The following KCTD8 variants were observed in gnomAD, a reference collection of about 807,000 sequenced individuals.
The protein encoded by KCTD8 is potassium channel tetramerization domain containing 8, also known as BTB/POZ domain-containing protein KCTD8.
In KCTD8, 27 loss-of-function variants were observed where a neutral mutation model predicts 31.5. That is an observed-to-expected ratio of 0.86 (90% CI 0.63 to 1.18). The LOEUF is 1.18. KCTD8 is among the 50% of genes most tolerant of loss of function. The pLI is 0.00. For missense variants in KCTD8, 658 were observed against 647.7 expected, an observed-to-expected ratio of 1.02 and a Z score of -0.17; for synonymous variants, 290 against 280.0, an observed-to-expected ratio of 1.04 and a Z score of -0.36.
intron 1 of KCTD8, among the ~76,000 whole-genome samples, chr4:44,235,528 TATATATATATATATATA>T (rs1560402001): frequency 9.4e-3 from 88 of 9,368 alleles, no homozygotes; most frequent in South Asian, 0.035. Context: ...CACTGGATTA[TATATATATATATATATA>T]TATATATATA....
At chr4:44,404,029 A>T (rs1720728435) in intron 1 of KCTD8, among the ~76,000 whole-genome samples, 1 of 152,164 alleles carries the variant, frequency 6.6e-6, no homozygotes, top group Non-Finnish European at 1.5e-5. Context: ...CTCTGATAGT[A>T]CGTCAGATTC....
chr4:44,357,177 C>T (rs1719365686), intron 1 of KCTD8, among the ~76,000 whole-genome samples: 1 of 150,796 alleles, frequency 6.6e-6, no homozygotes. Flanking sequence ...GCACATCATT[C>T]TACTCCCCTT....
chr4:44,238,648 T>C (rs1715361082), intron 1 of KCTD8, among the ~76,000 whole-genome samples: 3 of 152,302 alleles, frequency 2.0e-5, no homozygotes, highest in Admixed American at 2.0e-4. Flanking sequence ...CAAGAAAATA[T>C]TCCAAACTGA....
chr4:44,361,968 A>G (rs1381041123), intron 1 of KCTD8, among the ~76,000 whole-genome samples: 1 of 152,144 alleles, frequency 6.6e-6, no homozygotes, highest in Non-Finnish European at 1.5e-5. Flanking sequence ...GAATCTCAGA[A>G]AGAAAAAGGG....
At chr4:44,383,207 T>C (rs1245240907) in intron 1 of KCTD8, among the ~76,000 whole-genome samples, 4 of 152,058 alleles carry the variant, frequency 2.6e-5, no homozygotes, top group South Asian at 4.1e-4. Flanking sequence ...TGATCATAGA[T>C]TGTAAGAATT....
At chr4:44,330,673 T>G (rs1718570623) in intron 1 of KCTD8, among the ~76,000 whole-genome samples, 1 of 151,964 alleles carries the variant, frequency 6.6e-6, no homozygotes, top group Non-Finnish European at 1.5e-5. Context: ...TTAATTTTTC[T>G]GAGCCTCGGT....
chr4:44,337,866 T>C (rs1461785156), intron 1 of KCTD8, among the ~76,000 whole-genome samples: 1 of 151,940 alleles, frequency 6.6e-6, no homozygotes, highest in Admixed American at 6.6e-5. Context: ...AGTACTAATA[T>C]TTTATTCTGC....
chr4:44,247,074 C>T (rs1715688406), intron 1 of KCTD8, among the ~76,000 whole-genome samples: 1 of 151,860 alleles, frequency 6.6e-6, no homozygotes. Context: ...ACAGAAATTC[C>T]AAAATAGGAC....
chr4:44,298,020 G>T (rs887300398), intron 1 of KCTD8, among the ~76,000 whole-genome samples: 9 of 152,112 alleles, frequency 5.9e-5, no homozygotes, highest in African/African-American at 2.2e-4. Flanking sequence ...TTTGAGTCAA[G>T]AATTACCTTA....
intron 1 of KCTD8, among the ~76,000 whole-genome samples, chr4:44,271,890 C>T (rs1449987703): frequency 1.3e-5 from 2 of 151,994 alleles, no homozygotes; most frequent in Non-Finnish European, 2.9e-5. Flanking sequence ...CCCCTGATTT[C>T]CCACTCCACA....
intron 1 of KCTD8, among the ~76,000 whole-genome samples, chr4:44,393,226 C>T (rs896746948): frequency 6.6e-6 from 1 of 151,794 alleles, no homozygotes; most frequent in Non-Finnish European, 1.5e-5. Flanking sequence ...GATGGCTCTT[C>T]AAAAGTATGA....
intron 1 of KCTD8, among the ~76,000 whole-genome samples, chr4:44,195,611 T>A (rs558470264): frequency 1.4e-4 from 22 of 152,348 alleles, no homozygotes; most frequent in Non-Finnish European, 2.9e-5. Context: ...GATATGCATA[T>A]AACTAGAAAA....
chr4:44,425,699 G>C lies in KCTD8; in HGVS notation c.961+21864C>G, dbSNP rs1352694128. 2.0e-5 allele frequency among the ~76,000 whole-genome samples: 3 copies of C among 152,138 alleles called. No homozygotes were observed. The East Asian group carries it at 5.8e-4, about 29-fold the overall frequency. Reference sequence around the variant, plus strand: ...AAGATGGGTGAATACTGGGGAGGCAGTATTTACCCTTAGGACAAAAGATAG... The same window carrying C: ...AAGATGGGTGAATACTGGGGAGGCACTATTTACCCTTAGGACAAAAGATAG... On this transcript the variant is annotated intron_variant, in intron 1 of 1. Transcript: ENST00000360029.
intron 1 of KCTD8, among the ~76,000 whole-genome samples, chr4:44,314,762 A>G (rs897392150): frequency 4.6e-5 from 7 of 151,870 alleles, no homozygotes; most frequent in African/African-American, 7.2e-5. Context: ...CAGTACATAG[A>G]GATTTATAAT....
intron 1 of KCTD8, among the ~76,000 whole-genome samples, chr4:44,311,689 T>C (rs1717955683): frequency 6.6e-6 from 1 of 151,782 alleles, no homozygotes; most frequent in Non-Finnish European, 1.5e-5. Context: ...TAACAAATGG[T>C]CTTTATAGTG....
At chr4:44,376,356 G>C (rs1222506818) in intron 1 of KCTD8, among the ~76,000 whole-genome samples, 1 of 152,098 alleles carries the variant, frequency 6.6e-6, no homozygotes, top group African/African-American at 2.4e-5. Flanking sequence ...CCCAGCAATG[G>C]TTCCCAAGGC....
chr4:44,231,602 C>A (rs1188123819), intron 1 of KCTD8, among the ~76,000 whole-genome samples: 1 of 152,150 alleles, frequency 6.6e-6, no homozygotes, highest in Non-Finnish European at 1.5e-5. Flanking sequence ...GTAGTCTAAA[C>A]ATTTTCAGCA....
intron 1 of KCTD8, among the ~76,000 whole-genome samples, chr4:44,258,987 A>G (rs1716081741): frequency 6.6e-6 from 1 of 151,968 alleles, no homozygotes; most frequent in Admixed American, 6.6e-5. Flanking sequence ...CATCAATGTT[A>G]ACTGTTATTA....
chr4:44,312,838 G>A (rs1458700825), intron 1 of KCTD8, among the ~76,000 whole-genome samples: 3 of 152,090 alleles, frequency 2.0e-5, no homozygotes, highest in African/African-American at 7.2e-5. Context: ...CAATGAACTA[G>A]CTGGGGCCAG....
Sources: gnomAD v4.1 joint callset for allele counts (sites outside exome capture counted in the v4.1 genomes callset) on GRCh38, gnomAD v4.1.1 for gene constraint, MANE v1.5 for transcripts, NCBI Gene and HGNC (gene_info 2026-07-23, HGNC 2026-07-21) for gene names.